The following ABRAXAS2 variants were observed in gnomAD, a reference collection of about 807,000 sequenced individuals.
ABRAXAS2 encodes the protein abraxas 2, BRISC complex subunit.
Under a neutral mutation model 49.0 loss-of-function variants are expected in ABRAXAS2, and 23 were observed. That is an observed-to-expected ratio of 0.47 (90% CI 0.34 to 0.66). ABRAXAS2 has a LOEUF of 0.66. ABRAXAS2 is among the 30% of genes least tolerant of loss of function. The pLI is 0.01. For missense variants in ABRAXAS2, 443 were observed against 511.9 expected, an observed-to-expected ratio of 0.87 and a Z score of 1.30; for synonymous variants, 168 against 180.2, an observed-to-expected ratio of 0.93 and a Z score of 0.54.
rs762928148 is a variant in ABRAXAS2 at position 124,835,003 on chromosome 10, T to G, written c.*32T>G. Reference sequence around the variant, plus strand: ...AAAAGAAACTCTCCACCTAGCACTGTTTTTCTTCATTGCTTACTGAGAGGG... The same window carrying G: ...AAAAGAAACTCTCCACCTAGCACTGGTTTTCTTCATTGCTTACTGAGAGGG... On this transcript the variant is annotated 3_prime_UTR_variant, in exon 9 of 9. Transcript: ENST00000298492. The G allele has an allele frequency of 1.3e-6, 2 of 1,488,156 alleles. No individual in the cohort carries two copies. Among genetic ancestry groups the G allele is most frequent in the Non-Finnish European group, 1.8e-6 (2 of 1,101,352 alleles). The allele number at this position is 1,488,156 out of a possible 1,614,324, so 92.2% of individuals were successfully genotyped here. A position where few individuals can be genotyped will look rare whatever the true frequency, so the allele number is the denominator to read the frequency against.
intron 4 of ABRAXAS2, among the ~76,000 whole-genome samples, chr10:124,822,582 C>T: frequency 6.6e-6 from 1 of 152,038 alleles, no homozygotes. Flanking sequence ...CACCTGAGGT[C>T]AGGAGTTCAA....
chr10:124,824,231 T>G (rs1950882675), intron 4 of ABRAXAS2, among the ~76,000 whole-genome samples: 1 of 152,194 alleles, frequency 6.6e-6, no homozygotes, highest in African/African-American at 2.4e-5. Flanking sequence ...TGTTGGCATC[T>G]ATCAAATCAA....
intron 4 of ABRAXAS2, among the ~76,000 whole-genome samples, chr10:124,822,560 A>G (rs1950868308): frequency 6.6e-6 from 1 of 152,186 alleles, no homozygotes; most frequent in Non-Finnish European, 1.5e-5. Flanking sequence ...TGGGAGGCCG[A>G]GGCAGATGGA....
intron 3 of ABRAXAS2, among the ~76,000 whole-genome samples, chr10:124,818,481 A>T (rs182576783): frequency 6.6e-6 from 1 of 152,032 alleles, no homozygotes; most frequent in African/African-American, 2.4e-5. Context: ...CAAACTCCTT[A>T]TTTTGCAAAA....
At chr10:124,806,522 C>T (rs1296948627) in intron 1 of ABRAXAS2, among the ~76,000 whole-genome samples, 1 of 152,172 alleles carries the variant, frequency 6.6e-6, no homozygotes, top group Non-Finnish European at 1.5e-5. Flanking sequence ...ATTTCTACTT[C>T]TTGAGTTTTT....
chr10:124,808,282 TCTC>T (rs1337168887), intron 2 of ABRAXAS2, among the ~76,000 whole-genome samples: 1 of 151,974 alleles, frequency 6.6e-6, no homozygotes, highest in Admixed American at 6.6e-5. Flanking sequence ...TTCAGGCCAT[TCTC>T]CTGCCTCAGC....
chr10:124,827,532 A>G (rs117674072), intron 5 of ABRAXAS2, among the ~76,000 whole-genome samples: 2,502 of 152,304 alleles, frequency 0.016, 25 homozygotes, highest in Non-Finnish European at 0.025. Context: ...TTTTTGGATC[A>G]AGAAGCATTA....
chr10:124,828,361 A>G (rs77782129), intron 5 of ABRAXAS2, among the ~76,000 whole-genome samples: 5,200 of 151,726 alleles, frequency 0.034, 132 homozygotes, highest in Non-Finnish European at 0.046. Flanking sequence ...TTTTTAAAAA[A>G]TTATTTATTT....
In ABRAXAS2 at chr10:124,835,239, G is replaced by A. The variant is rs1950962472; in HGVS notation, c.*268G>A. 1 of 307,380 alleles carries A rather than the reference G, an allele frequency of 3.3e-6. No homozygotes were observed. Among genetic ancestry groups the A allele is most frequent in the African/African-American group, 2.2e-5 (1 of 46,340 alleles). The allele number at this position is 307,380 out of a possible 1,614,324, so 19.0% of individuals were successfully genotyped here. A position where few individuals can be genotyped will look rare whatever the true frequency, so the allele number is the denominator to read the frequency against. On this transcript the variant is annotated 3_prime_UTR_variant, in exon 9 of 9. Coordinates refer to ENST00000298492, the MANE Select transcript of ABRAXAS2 (RefSeq NM_032182.4). ...GGATATACTGGTAAATTTAGGCAAAGTGAAACTTATCAGCGTAGTTTCTGT... is the reference window on the plus strand; with the variant it reads ...GGATATACTGGTAAATTTAGGCAAAATGAAACTTATCAGCGTAGTTTCTGT...
At chr10:124,816,649 G>C in intron 3 of ABRAXAS2, 37 bp downstream of exon 3, 1 of 1,473,394 alleles carries the variant, frequency 6.8e-7, no homozygotes, top group Non-Finnish European at 9.4e-7. Context: ...TTACTAAAAG[G>C]ATTGATTGAT....
chr10:124,812,083 A>T (rs954579377), intron 2 of ABRAXAS2, among the ~76,000 whole-genome samples: 1 of 152,202 alleles, frequency 6.6e-6, no homozygotes, highest in African/African-American at 2.4e-5. Flanking sequence ...AGCCCAAATA[A>T]TTAAAATTCT....
At chr10:124,804,331 G>A (rs1169628557) in intron 1 of ABRAXAS2, among the ~76,000 whole-genome samples, 1 of 152,120 alleles carries the variant, frequency 6.6e-6, no homozygotes, top group Admixed American at 6.6e-5. Flanking sequence ...TTTATTTATA[G>A]TATAAGTATA....
intron 2 of ABRAXAS2, among the ~76,000 whole-genome samples, chr10:124,816,287 T>A (rs1950824774): frequency 6.6e-6 from 1 of 152,194 alleles, no homozygotes. Context: ...TAGATAAGAT[T>A]GAATAAGGTA....
intron 4 of ABRAXAS2, among the ~76,000 whole-genome samples, chr10:124,823,356 T>C (rs1017669557): frequency 2.0e-5 from 3 of 152,236 alleles, no homozygotes. Flanking sequence ...TAGAGGCTAA[T>C]GTTTTTGATA....
At chr10:124,822,129 GA>G (rs1488724539) in intron 4 of ABRAXAS2, among the ~76,000 whole-genome samples, 3 of 152,210 alleles carry the variant, frequency 2.0e-5, no homozygotes, top group Non-Finnish European at 4.4e-5. Flanking sequence ...TTGTAGGGGG[GA>G]TTTTGAAAGC....
chr10:124,823,686 C>T (rs1050989401), intron 4 of ABRAXAS2, among the ~76,000 whole-genome samples: 1 of 152,118 alleles, frequency 6.6e-6, no homozygotes, highest in Admixed American at 6.6e-5. Flanking sequence ...AAAAATTGGC[C>T]GAGAAACATA....
At chr10:124,825,281 G>C (rs1950889700) in intron 4 of ABRAXAS2, among the ~76,000 whole-genome samples, 1 of 134,488 alleles carries the variant, frequency 7.4e-6, no homozygotes. Flanking sequence ...TCATGCCACT[G>C]CACTCTAGCC....
At chr10:124,810,291 C>T (rs939324534) in intron 2 of ABRAXAS2, among the ~76,000 whole-genome samples, 2 of 152,160 alleles carry the variant, frequency 1.3e-5, no homozygotes, top group Admixed American at 6.5e-5. Flanking sequence ...TTCGGGAGGC[C>T]GAGGCAGGAG....
rs1235622212 is a variant in ABRAXAS2, at chr10:124,806,897, A to G, written c.139A>G (p.Asn47Asp). 6.2e-7 allele frequency: 1 copy of G among 1,611,606 alleles called. No individual in the cohort carries two copies. Among genetic ancestry groups the G allele is most frequent in the Non-Finnish European group, 8.5e-7 (1 of 1,178,542 alleles). ...TAGCATCAGTGACTCACAAATCAGC[A>G]ACACAGAATTTCTGCAAGTAATTGG... ...TFSISDSQIS[N>D]TEFLQVIEIH... The change falls in exon 2 of 9, where the codon AAC (asparagine) becomes GAC (aspartate). Residue 47 changes from asparagine to aspartate, a missense_variant. By Grantham distance (23) the Asn-to-Asp change is conservative (BLOSUM62 1). Coordinates refer to ENST00000298492, the MANE Select transcript of ABRAXAS2 (RefSeq NM_032182.4).
Sources: gnomAD v4.1 joint callset for allele counts (sites outside exome capture counted in the v4.1 genomes callset) on GRCh38, gnomAD v4.1.1 for gene constraint, MANE v1.5 for transcripts, NCBI Gene and HGNC (gene_info 2026-07-23, HGNC 2026-07-21) for gene names.